Variants in PCLAF observed in about 807,000 individuals in gnomAD.
PCLAF encodes the protein PCNA clamp associated factor.
Under a neutral mutation model 15.1 loss-of-function variants are expected in PCLAF, and 12 were observed. The ratio of observed to expected loss-of-function variants is 0.79; its 90% CI spans 0.51 to 1.29. The LOEUF (loss-of-function observed/expected upper bound fraction) is 1.29. Ranked by LOEUF, PCLAF falls within the 50% of genes most tolerant of loss-of-function variation. The pLI, the probability that PCLAF is intolerant of heterozygous loss-of-function variation, is 0.00. For missense variants in PCLAF, 116 were observed against 130.9 expected (o/e 0.89, Z 0.56); for synonymous variants, 33 against 47.1 (o/e 0.70, Z 1.22).
intron 3 of PCLAF, among the ~76,000 whole-genome samples, chr15:64,368,598 A>G (rs1325447830): frequency 1.3e-5 from 2 of 152,176 alleles, no homozygotes; most frequent in Non-Finnish European, 2.9e-5. Context: ...TATATTCCAT[A>G]GAGAGTTTAT....
intron 1 of PCLAF, 104 bp downstream of exon 1, chr15:64,381,222 G>A: frequency 7.1e-7 from 1 of 1,403,478 alleles, no homozygotes; most frequent in Non-Finnish European, 1.0e-6. Flanking sequence ...CTAGCTAGAT[G>A]AGTTTGGCGC....
chr15:64,366,497 C>A (rs1015321627), intron 3 of PCLAF, among the ~76,000 whole-genome samples: 10 of 152,194 alleles, frequency 6.6e-5, no homozygotes, highest in Non-Finnish European at 8.8e-5. Flanking sequence ...TGTCCTTTGA[C>A]TATATATACT....
intron 3 of PCLAF, among the ~76,000 whole-genome samples, chr15:64,369,399 A>T (rs980165296): frequency 6.8e-6 from 1 of 146,102 alleles, no homozygotes; most frequent in African/African-American, 2.5e-5. Context: ...TCCTGTCTCT[A>T]AAAAAAAAAG....
chr15:64,370,993 G>C (rs1156254306), intron 3 of PCLAF, among the ~76,000 whole-genome samples: 1 of 134,736 alleles, frequency 7.4e-6, no homozygotes, highest in East Asian at 2.1e-4. Flanking sequence ...TTTTGAGACG[G>C]AGTCTCGCGC....
chr15:64,366,090 G>C lies in PCLAF; in HGVS notation c.291-15C>G. 6.2e-7 allele frequency: 1 copy of C among 1,601,322 alleles called. No homozygotes were observed. Among genetic ancestry groups the C allele is most frequent in the Non-Finnish European group, 8.5e-7 (1 of 1,173,404 alleles). On this transcript the variant is annotated splice_polypyrimidine_tract_variant and intron_variant, in intron 3 of 3. Transcript: ENST00000300035. Reference sequence around the variant, plus strand: ...AAGGACATGCTCTGTGAAAAGAAGAGAGAACATCAATAGCCATCCAAGTAT... The same window carrying C: ...AAGGACATGCTCTGTGAAAAGAAGACAGAACATCAATAGCCATCCAAGTAT...
exon 1 of PCLAF, chr15:64,387,634 A>T: frequency 7.1e-7 from 1 of 1,405,650 alleles, no homozygotes; most frequent in African/African-American, 1.5e-5. Flanking sequence ...AGCGATTGGC[A>T]AGAATCATGC....
upstream of PCLAF, among the ~76,000 whole-genome samples, chr15:64,383,185 A>G (rs1430123411): frequency 6.6e-6 from 1 of 152,184 alleles, no homozygotes; most frequent in East Asian, 1.9e-4. Flanking sequence ...GATTTAAGGA[A>G]TCTAGGCAAC....
rs780822345 is a variant in PCLAF at position 64,376,864 on chromosome 15, G to T, written c.169C>A (p.Pro57Thr). Reference protein sequence around the residue: ...YAGGNPVCVRPTPKWQKGIGE... With the variant: ...YAGGNPVCVRTTPKWQKGIGE... ...ATTCCTTTTTGCCACTTGGGAGTTG[G>T]GCGCACGCAAACGGGGTTCCCTCCT... Residue 57 changes from proline (P) to threonine (T), a missense_variant, in exon 3 of 4, where the codon CCA becomes ACA. Physicochemically the swap from Pro to Thr is conservative, Grantham distance 38 (BLOSUM62 -1). Transcript: ENST00000300035. 3 of 1,613,942 alleles carry T rather than the reference G, an allele frequency of 1.9e-6. No homozygotes were observed. The highest frequency in any genetic ancestry group is 2.5e-6 in the Non-Finnish European group (3 of 1,179,960).
upstream of PCLAF, among the ~76,000 whole-genome samples, chr15:64,384,780 T>G (rs991004621): frequency 2.0e-5 from 3 of 151,810 alleles, no homozygotes; most frequent in Non-Finnish European, 4.4e-5. Context: ...AAGAGATCTT[T>G]AAGTCTTGCT....
intron 1 of PCLAF, 69 bp from the exon 2 acceptor site, chr15:64,381,107 A>G (rs892906625): frequency 6.4e-5 from 93 of 1,458,306 alleles, no homozygotes; most frequent in Middle Eastern, 3.9e-4. Context: ...CCTGGACCCC[A>G]GCAGCTTGGA....
At chr15:64,382,812 T>TAAAATA (rs1179942771), upstream of PCLAF, 6 of 275,046 alleles carry the variant, frequency 2.2e-5, no homozygotes, top group Non-Finnish European at 3.6e-5. Flanking sequence ...CAGTCTCTAC[T>TAAAATA]AAAATAAAAA....
chr15:64,377,216 C>T (rs1899628731), intron 2 of PCLAF, among the ~76,000 whole-genome samples: 1 of 151,298 alleles, frequency 6.6e-6, no homozygotes, highest in Admixed American at 6.6e-5. Flanking sequence ...GCCTGTAATC[C>T]CAGCACTTTG....
intron 2 of PCLAF, among the ~76,000 whole-genome samples, chr15:64,377,745 G>A (rs1899667935): frequency 8.5e-6 from 1 of 117,152 alleles, no homozygotes; most frequent in Non-Finnish European, 1.7e-5. Flanking sequence ...CCAATTCCTG[G>A]TGTTTTTTTT....
intron 3 of PCLAF, among the ~76,000 whole-genome samples, chr15:64,372,550 C>T (rs1325060860): frequency 6.6e-6 from 1 of 151,846 alleles, no homozygotes; most frequent in Admixed American, 6.6e-5. Flanking sequence ...GGAGGCGGAG[C>T]TTGCAGTGAG....
intron 3 of PCLAF, among the ~76,000 whole-genome samples, chr15:64,368,070 G>A (rs1211073730): frequency 4.0e-5 from 6 of 151,826 alleles, no homozygotes; most frequent in African/African-American, 7.3e-5. Context: ...GGCCCGGCGC[G>A]GTGGCTCATG....
intron 3 of PCLAF, among the ~76,000 whole-genome samples, chr15:64,370,828 T>A (rs146610666): frequency 1.4e-5 from 1 of 73,404 alleles, no homozygotes; most frequent in Non-Finnish European, 2.6e-5. Flanking sequence ...CTCATAAAGT[T>A]GTTTTTTTTT....
chr15:64,375,512 G>A (rs1239116239), intron 3 of PCLAF, among the ~76,000 whole-genome samples: 1 of 152,022 alleles, frequency 6.6e-6, no homozygotes, highest in Non-Finnish European at 1.5e-5. Context: ...CCAGGGTCAA[G>A]CAATTCTCCC....
intron 2 of PCLAF, among the ~76,000 whole-genome samples, chr15:64,377,496 T>A (rs1236743970): frequency 0.47 from 6,056 of 12,966 alleles, 1,150 homozygotes; most frequent in Non-Finnish European, 0.55. Context: ...AAAATATATA[T>A]ATATATATAT....
At chr15:64,381,102 AC>A in intron 1 of PCLAF, 64 bp from the exon 2 acceptor site, 1 of 1,500,498 alleles carries the variant, frequency 6.7e-7, no homozygotes, top group Non-Finnish European at 9.3e-7. Context: ...CGAGTCCTGG[AC>A]CCCAGCAGCT....
Sources: allele counts gnomAD v4.1 joint callset (sites outside exome capture counted in the v4.1 genomes callset), GRCh38; gene constraint gnomAD v4.1.1; transcripts MANE v1.5; gene names NCBI Gene and HGNC (gene_info 2026-07-23, HGNC 2026-07-21).